TMEM50B: variants seen among roughly 807,000 people sequenced by gnomAD.
TMEM50B encodes transmembrane protein 50B, also known as HCV p7-trans-regulated protein 3.
TMEM50B carries 14 observed loss-of-function variants against 23.4 expected under a neutral mutation model. The ratio of observed to expected loss-of-function variants is 0.60; its 90% CI spans 0.39 to 0.93. The LOEUF is 0.93. Among genes scored for constraint, TMEM50B ranks in the 40% least tolerant of loss-of-function variants. The pLI is 0.00. For missense variants in TMEM50B, 159 were observed against 193.0 expected, an observed-to-expected ratio of 0.82 and a Z score of 1.04; for synonymous variants, 64 against 62.3, an observed-to-expected ratio of 1.03 and a Z score of -0.13.
chr21:33,455,778 T>C lies in TMEM50B; in HGVS notation c.380A>G (p.Asp127Gly), dbSNP rs1292413443. The C allele has an allele frequency of 6.2e-7, 1 of 1,613,532 alleles. No homozygotes were observed. Among genetic ancestry groups the C allele is most frequent in the Admixed American group, 1.7e-5 (1 of 59,978 alleles). The change falls in exon 6 of 7, where the codon GAT (aspartate) becomes GGT (glycine). Residue 127 changes from aspartate (D) to glycine (G), a missense_variant. Coordinates refer to ENST00000542230, the MANE Select transcript of TMEM50B (RefSeq NM_006134.7). ...AAACACAGCTAGTCCCGGATAAACA[T>C]CAGTATCTACATACACAAAGTAAAA... is the stretch of plus-strand genomic sequence containing the variant. ...LFGAYVTQNT[D>G]VYPGLAVFFQ... is the part of the protein sequence containing the mutation.
intron 8 of TMEM50B, among the ~76,000 whole-genome samples, chr21:33,433,264 G>A (rs755610391): frequency 3.3e-5 from 5 of 152,194 alleles, no homozygotes; most frequent in Non-Finnish European, 5.9e-5. Context: ...GGGCAAAGCC[G>A]TGGACACAGA....
chr21:33,435,782 C>G (rs977777243), intron 8 of TMEM50B, among the ~76,000 whole-genome samples: 6 of 146,084 alleles, frequency 4.1e-5, no homozygotes, highest in African/African-American at 1.5e-4. Context: ...ACTTGGGAGG[C>G]TGAGGCAGGA....
At chr21:33,466,856 A>T (rs115589759) in intron 3 of TMEM50B, among the ~76,000 whole-genome samples, 154 bp downstream of exon 3, 2,104 of 152,188 alleles carry the variant, frequency 0.014, 56 homozygotes, top group African/African-American at 0.048. Flanking sequence ...ATTCTTGGTT[A>T]AAAAAAATCG....
chr21:33,440,579 T>C (rs1286679717), intron 7 of TMEM50B, among the ~76,000 whole-genome samples: 1 of 150,654 alleles, frequency 6.6e-6, no homozygotes, highest in Non-Finnish European at 1.5e-5. Context: ...CGAGACTCTG[T>C]CTCAAAAATA....
chr21:33,462,809 A>G (rs1165748301), intron 4 of TMEM50B, among the ~76,000 whole-genome samples: 4 of 152,208 alleles, frequency 2.6e-5, no homozygotes, highest in Non-Finnish European at 5.9e-5. Context: ...ACCTTCCCTC[A>G]TTCCTGACAT....
At chr21:33,456,516 T>C (rs1297838900) in intron 5 of TMEM50B, among the ~76,000 whole-genome samples, 1 of 152,238 alleles carries the variant, frequency 6.6e-6, no homozygotes, top group African/African-American at 2.4e-5. Context: ...TAAATTTTTG[T>C]GGATTATTAA....
chr21:33,459,284 C>T (rs2084196717), intron 5 of TMEM50B, among the ~76,000 whole-genome samples: 1 of 152,196 alleles, frequency 6.6e-6, no homozygotes, highest in African/African-American at 2.4e-5. Flanking sequence ...AAGAGCTCAT[C>T]CCACTCCATC....
intron 4 of TMEM50B, among the ~76,000 whole-genome samples, chr21:33,464,821 A>AAAAAAAAAAAAAAAAAAAAAAAAAAAAC (rs1568983430): frequency 6.7e-6 from 1 of 148,818 alleles, no homozygotes; most frequent in Non-Finnish European, 1.5e-5. Flanking sequence ...AAAAAAAAAA[A>AAAAAAAAAAAAAAAAAAAAAAAAAAAAC]AAACAAAAAT....
At chr21:33,439,486 T>C (rs1435085845) in intron 7 of TMEM50B, among the ~76,000 whole-genome samples, 2 of 151,898 alleles carry the variant, frequency 1.3e-5, no homozygotes, top group Non-Finnish European at 1.5e-5. Flanking sequence ...TTCAAGCGAT[T>C]TTTGTGCCTC....
intron 7 of TMEM50B, among the ~76,000 whole-genome samples, chr21:33,442,138 T>C (rs941594139): frequency 6.6e-6 from 1 of 152,126 alleles, no homozygotes; most frequent in African/African-American, 2.4e-5. Flanking sequence ...CCAAATAGTC[T>C]CTATTTGAGA....
At chr21:33,465,187 G>C in intron 4 of TMEM50B, 155 bp downstream of exon 4, 1 of 519,604 alleles carries the variant, frequency 1.9e-6, no homozygotes, top group Non-Finnish European at 3.4e-6. Context: ...ACTTTCTTAA[G>C]GATTTGAATA....
chr21:33,479,448 C>G (rs1054957302), intron 1 of TMEM50B: 1 of 152,308 alleles, frequency 6.6e-6, no homozygotes, highest in African/African-American at 2.4e-5. Context: ...GCGGCCGCAG[C>G]AGGGCGTCCC....
downstream of TMEM50B, among the ~76,000 whole-genome samples, chr21:33,447,713 CACACACATATAT>C (rs1193599418): frequency 5.1e-5 from 6 of 116,748 alleles, no homozygotes; most frequent in Non-Finnish European, 5.0e-5. Flanking sequence ...CACACACACA[CACACACATATAT>C]ATATATACTG....
In TMEM50B at chr21:33,467,098, T is replaced by A; in HGVS notation, c.124A>T (p.Ile42Phe). ...TTAGGATACACCACAGCTGCATCAA[T>A]CATTATCCACCAGCCTGTAAAAAAC... ...ILFFTGWWIM[I>F]DAAVVYPKPE... The change falls in exon 3 of 7, where the codon ATT (isoleucine) becomes TTT (phenylalanine). Residue 42 changes from isoleucine (I) to phenylalanine (F), a missense_variant. Coordinates refer to ENST00000542230, the MANE Select transcript of TMEM50B (RefSeq NM_006134.7). 6.2e-7 allele frequency: 1 copy of A among 1,614,174 alleles called. No individual in the cohort carries two copies. The highest frequency in any genetic ancestry group is 8.5e-7 in the Non-Finnish European group (1 of 1,180,024).
At chr21:33,457,782 A>T (rs144321248) in intron 5 of TMEM50B, among the ~76,000 whole-genome samples, 1 of 152,158 alleles carries the variant, frequency 6.6e-6, no homozygotes, top group Non-Finnish European at 1.5e-5. Context: ...GATCACTTCA[A>T]CTGCTAAAGT....
At chr21:33,434,718 A>G (rs1182660628) in intron 8 of TMEM50B, among the ~76,000 whole-genome samples, 2 of 152,156 alleles carry the variant, frequency 1.3e-5, no homozygotes, top group Non-Finnish European at 2.9e-5. Context: ...TTCATCTGCC[A>G]TGATGTATTG....
Position 33,467,109 on chromosome 21 carries a change from C to T in TMEM50B, c.113G>A (p.Trp38Ter), listed in dbSNP as rs2084271495. 6.2e-7 allele frequency: 1 copy of T among 1,613,934 alleles called. No individual in the cohort carries two copies. Among genetic ancestry groups the T allele is most frequent in the African/African-American group, 1.3e-5 (1 of 74,926 alleles). The change falls in exon 3 of 7, where the codon TGG (tryptophan) becomes TAG (stop). Residue 38 changes from tryptophan (W) to a stop codon, truncating the protein, a stop_gained. Transcript: ENST00000542230. LOFTEE classifies it high-confidence loss of function. ...CACAGCTGCATCAATCATTATCCACCAGCCTGTAAAAAACTTAAAACACAG... is the reference window on the plus strand; with the variant it reads ...CACAGCTGCATCAATCATTATCCACTAGCCTGTAAAAAACTTAAAACACAG... ...VVAGILFFTG[W>*]WIMIDAAVVY...
At chr21:33,471,690 A>G (rs1568986777) in intron 1 of TMEM50B, among the ~76,000 whole-genome samples, 1 of 152,186 alleles carries the variant, frequency 6.6e-6, no homozygotes, top group African/African-American at 2.4e-5. Flanking sequence ...CCCAGGCAAC[A>G]TAGCAAGACC....
At chr21:33,462,160 T>A (rs1200010644) in intron 4 of TMEM50B, among the ~76,000 whole-genome samples, 2 of 152,142 alleles carry the variant, frequency 1.3e-5, no homozygotes, top group Non-Finnish European at 2.9e-5. Flanking sequence ...TTATAGTATA[T>A]TTATTATTTT....
Sources: gnomAD v4.1 joint callset for allele counts (sites outside exome capture counted in the v4.1 genomes callset) on GRCh38, gnomAD v4.1.1 for gene constraint, MANE v1.5 for transcripts, NCBI Gene and HGNC (gene_info 2026-07-23, HGNC 2026-07-21) for gene names.